The following ARHGEF17 variants were observed in gnomAD, a reference collection of about 807,000 sequenced individuals.
The protein encoded by ARHGEF17 is 164 kDa Rho-specific guanine-nucleotide exchange factor.
Under a neutral mutation model 174.0 loss-of-function variants are expected in ARHGEF17, and 80 were observed. That is an observed-to-expected ratio of 0.46 (90% CI 0.38 to 0.55). The LOEUF is 0.55. Among genes scored for constraint, ARHGEF17 ranks in the 20% least tolerant of loss-of-function variants. The probability of loss-of-function intolerance (pLI) is 0.00; values close to 1 mark genes in which losing one functional copy is unlikely to be tolerated. For synonymous variants in ARHGEF17, 1,311 were observed against 1,189.1 expected (o/e 1.10, Z -2.11); for missense variants, 2,886 against 2,839.7 (o/e 1.02, Z -0.37).
chr11:73,362,125 A>T lies in ARHGEF17; in HGVS notation c.4580A>T (p.Gln1527Leu). The T allele has an allele frequency of 6.2e-7, 1 of 1,612,044 alleles. No individual in the cohort carries two copies. Among genetic ancestry groups the T allele is most frequent in the Non-Finnish European group, 8.5e-7 (1 of 1,179,768 alleles). ...WVCNSDGYVG[Q>L]VCLLSLRAEP... ...TGCAACAGCGACGGCTACGTGGGCC[A>T]GGTGTGCCTGCTGAGCCTGCGCGCC... The change falls in exon 13 of 21, where the codon CAG becomes CTG. Residue 1527 changes from glutamine (Q) to leucine (L), a missense_variant. This residue lies in a region of ARHGEF17 where 476 missense variants were observed against 473.1 expected (regional missense o/e 1.01). Coordinates refer to ENST00000263674, the MANE Select transcript of ARHGEF17 (RefSeq NM_014786.4).
chr11:73,355,624 G>A lies in ARHGEF17; in HGVS notation c.3545G>A (p.Arg1182Lys), dbSNP rs1023888830. The part of the protein sequence containing the change: ...KDAVRVAKEA[R>K]PAFLKFLEQS... ...GCTGTGCGTGTGGCCAAGGAGGCGA[G>A]GCCTGCCTTTCTCAAGTTCCTAGAG... The change falls in exon 4 of 21, where the codon AGG becomes AAG. Residue 1182 changes from arginine (R) to lysine (K), a missense_variant. Arg to Lys is a conservative substitution (Grantham distance 26). Transcript: ENST00000263674. 5.0e-6 allele frequency: 8 copies of A among 1,614,018 alleles called. No homozygotes were observed. The African/African-American group carries it at 8.0e-5, about 16-fold the overall frequency.
chr11:73,367,456 T>C (rs1246693463), intron 20 of ARHGEF17, 128 bp from the exon 21 acceptor site: 1 of 728,798 alleles, frequency 1.4e-6, no homozygotes, highest in Admixed American at 2.8e-5. Flanking sequence ...TAACAGAAAG[T>C]GGGATTCCCC....
At chr11:73,312,852 C>T (rs1044682784) in intron 1 of ARHGEF17, among the ~76,000 whole-genome samples, 21 of 152,124 alleles carry the variant, frequency 1.4e-4, no homozygotes, top group Admixed American at 1.4e-3. Flanking sequence ...CTCACTCTCC[C>T]TGAGACCCCT....
chr11:73,315,532 C>G (rs1309372433), intron 1 of ARHGEF17, among the ~76,000 whole-genome samples: 1 of 152,074 alleles, frequency 6.6e-6, no homozygotes, highest in Non-Finnish European at 1.5e-5. Context: ...CTCCTTGGCT[C>G]TTTGTGTGAT....
At chr11:73,330,702 C>A (rs1418517069) in intron 1 of ARHGEF17, among the ~76,000 whole-genome samples, 1 of 152,218 alleles carries the variant, frequency 6.6e-6, no homozygotes, top group African/African-American at 2.4e-5. Flanking sequence ...CAAGCCCCAT[C>A]CCCTCTCTGG....
chr11:73,315,735 G>C (rs528025493), intron 1 of ARHGEF17, among the ~76,000 whole-genome samples: 1 of 152,254 alleles, frequency 6.6e-6, no homozygotes, highest in South Asian at 2.1e-4. Context: ...CTTCCTAAGG[G>C]CCTGGGCTCT....
At chr11:73,324,865 C>T (rs537831350) in intron 1 of ARHGEF17, among the ~76,000 whole-genome samples, 1 of 152,334 alleles carries the variant, frequency 6.6e-6, no homozygotes, top group East Asian at 1.9e-4. Context: ...GGCTCAGTTG[C>T]ACTTGAGAGG....
In ARHGEF17 at chr11:73,326,107, G is replaced by C. The variant is rs1865098026; in HGVS notation, c.3192+14277G>C. 4.6e-5 allele frequency among the ~76,000 whole-genome samples: 7 copies of C among 152,236 alleles called. No homozygotes were observed. In the South Asian group the frequency reaches 1.4e-3, roughly 31 times the overall value. ...CCTGTATGTGCAGGGTTAGCATGGG[G>C]GCCGCAGGGTGAAGGAGAAGGGGTT... On this transcript the variant is annotated intron_variant, in intron 1 of 20. Coordinates refer to ENST00000263674, the MANE Select transcript of ARHGEF17 (RefSeq NM_014786.4).
At chr11:73,341,918 C>A (rs1717477049) in intron 1 of ARHGEF17, among the ~76,000 whole-genome samples, 1 of 152,218 alleles carries the variant, frequency 6.6e-6, no homozygotes, top group African/African-American at 2.4e-5. Flanking sequence ...TGAGGCACAG[C>A]TGCAGGGTGC....
chr11:73,332,488 T>C (rs1314766122), intron 1 of ARHGEF17, among the ~76,000 whole-genome samples: 2 of 152,012 alleles, frequency 1.3e-5, no homozygotes, highest in Non-Finnish European at 2.9e-5. Flanking sequence ...TACTTCTCCA[T>C]AGCATTTCAA....
rs1237505458 is a variant in ARHGEF17, at chr11:73,310,621, C to A, written c.1983C>A (p.Gly661=). ...DPEPPVAAFC[G]LGTTGMWRPL... The stretch of plus-strand genomic sequence containing the variant: ...AGCCTCCTGTTGCAGCATTTTGCGG[C>A]CTGGGTACCACAGGGATGTGGCGAC... Residue 661 remains glycine, a synonymous_variant, in exon 1 of 21, where the codon GGC becomes GGA. Transcript: ENST00000263674. 2 of 1,614,146 alleles carry A rather than the reference C, an allele frequency of 1.2e-6. No individual in the cohort carries two copies. Among genetic ancestry groups the A allele is most frequent in the Non-Finnish European group, 1.7e-6 (2 of 1,180,024 alleles).
intron 1 of ARHGEF17, among the ~76,000 whole-genome samples, chr11:73,345,350 C>T (rs1011743574): frequency 2.0e-5 from 3 of 152,106 alleles, no homozygotes; most frequent in African/African-American, 7.2e-5. Context: ...CCCTTCCTCC[C>T]TGCCCCAAGG....
rs762312854 is a variant in ARHGEF17 at position 73,343,786 on chromosome 11, T to C, written c.3193-3097T>C. 2.0e-5 allele frequency among the ~76,000 whole-genome samples: 3 copies of C among 152,050 alleles called. No homozygotes were observed. In the South Asian group the frequency reaches 6.2e-4, roughly 31 times the overall value. ...GCGTCTTGGGGCTGTTTCCCTGTCT[T>C]TGTGTGTCTCTGGGCCTGGACTCTG... On this transcript the variant is annotated intron_variant, in intron 1 of 20. Coordinates refer to ENST00000263674, the MANE Select transcript of ARHGEF17 (RefSeq NM_014786.4).
rs145518471 is a variant in ARHGEF17 at position 73,311,794 on chromosome 11, T to C, written c.3156T>C (p.Pro1052=). 1 of 1,607,868 alleles carries C rather than the reference T, an allele frequency of 6.2e-7. No homozygotes were observed. The highest frequency in any genetic ancestry group is 8.5e-7 in the Non-Finnish European group (1 of 1,176,008). ...AGGCAGCTCGGCCTGCAGATGAGCC[T>C]ACCCCTGCCAGCAAGTGCTGCAGCA... ...PPEAARPADE[P]TPASKCCSKP... is the part of the protein sequence containing the mutation. Residue 1052 remains proline, a synonymous_variant, in exon 1 of 21, where the codon CCT becomes CCC. Transcript: ENST00000263674.
chr11:73,360,642 GCTC>G (rs1303709452), intron 11 of ARHGEF17, 109 bp downstream of exon 11: 6 of 1,174,316 alleles, frequency 5.1e-6, no homozygotes, highest in Non-Finnish European at 5.0e-6. Context: ...AGTGCCCTGT[GCTC>G]CGGCTCCACC....
intron 1 of ARHGEF17, among the ~76,000 whole-genome samples, chr11:73,316,395 T>TC (rs139973620): frequency 0.08 from 12,113 of 152,162 alleles, 615 homozygotes; most frequent in Non-Finnish European, 0.11. Context: ...GGAGGAGGCC[T>TC]GTCTGTAAAT....
rs1952853870 is a variant in ARHGEF17 at position 73,311,579 on chromosome 11, C to T, written c.2941C>T (p.Pro981Ser). The change falls in exon 1 of 21, where the codon CCT becomes TCT. Residue 981 changes from proline (P) to serine (S), a missense_variant. This residue lies in a region of ARHGEF17 where 1,728 missense variants were observed against 1,461.2 expected (regional missense o/e 1.18). Coordinates refer to ENST00000263674, the MANE Select transcript of ARHGEF17 (RefSeq NM_014786.4). ...TGAGCCACCAACTTCTGTTGGTCCC[C>T]CTGTGGCTGTGCCAGAACCCATAGG... ...VPEPPTSVGP[P>S]VAVPEPIGFP... 1.1e-5 allele frequency: 17 copies of T among 1,613,538 alleles called. No individual in the cohort carries two copies. The highest frequency in any genetic ancestry group is 2.2e-5 in the East Asian group (1 of 44,904).
In ARHGEF17 at chr11:73,361,085, C is replaced by T. The variant is rs773433146; in HGVS notation, c.4421-3C>T. ...TCCGTCTGTCTGTCCATCTCCACTA[C>T]AGCATCCAGCAAAAGCTGTCTAGAC... is the stretch of plus-strand genomic sequence containing the variant. On this transcript the variant is annotated splice_polypyrimidine_tract_variant and splice_region_variant and intron_variant, in intron 11 of 20. Coordinates refer to ENST00000263674, the MANE Select transcript of ARHGEF17 (RefSeq NM_014786.4). The T allele has an allele frequency of 1.7e-5, 27 of 1,613,580 alleles. No homozygotes were observed. Among genetic ancestry groups the T allele is most frequent in the Non-Finnish European group, 2.2e-5 (26 of 1,179,564 alleles).
At chr11:73,320,901 A>G (rs1028288488) in intron 1 of ARHGEF17, among the ~76,000 whole-genome samples, 2 of 152,076 alleles carry the variant, frequency 1.3e-5, no homozygotes, top group African/African-American at 4.8e-5. Context: ...AGCTCAAGTA[A>G]TCTTCCCGCC....
Sources: allele counts gnomAD v4.1 joint callset (sites outside exome capture counted in the v4.1 genomes callset), GRCh38; gene constraint gnomAD v4.1.1; regional missense constraint gnomAD v4.1.1; transcripts MANE v1.5; gene names NCBI Gene and HGNC (gene_info 2026-07-23, HGNC 2026-07-21).